The following NOS2 variants were observed in gnomAD, a reference collection of about 807,000 sequenced individuals.
NOS2 encodes the protein nitric oxide synthase, inducible.
A neutral mutation model predicts 136.0 loss-of-function variants in NOS2; 96 were observed. The observed-to-expected ratio is 0.71, with a 90% CI of 0.60 to 0.84. The LOEUF is 0.84. NOS2 is among the 40% of genes least tolerant of loss of function. The probability of loss-of-function intolerance (pLI) is 0.00; values close to 1 mark genes in which losing one functional copy is unlikely to be tolerated. For missense variants in NOS2, 1,237 were observed against 1,496.9 expected (o/e 0.83, Z 2.87); for synonymous variants, 539 against 587.5 (o/e 0.92, Z 1.20).
intron 17 of NOS2, among the ~76,000 whole-genome samples, chr17:27,768,659 A>C (rs1814299788): frequency 6.6e-6 from 1 of 152,234 alleles, no homozygotes; most frequent in African/African-American, 2.4e-5. Context: ...TGAGACTGAA[A>C]CAGACACAGT....
intron 2 of NOS2, among the ~76,000 whole-genome samples, chr17:27,795,458 C>G (rs112174576): frequency 4.6e-4 from 70 of 152,300 alleles, no homozygotes; most frequent in African/African-American, 1.3e-3. Flanking sequence ...TAATAAGTGG[C>G]TCAAACAATT....
At chr17:27,775,985 A>G (rs1196927445) in intron 11 of NOS2, among the ~76,000 whole-genome samples, 2 of 152,244 alleles carry the variant, frequency 1.3e-5, no homozygotes, top group South Asian at 4.1e-4. Context: ...TGGGGAAGCC[A>G]AGGAAAATCA....
chr17:27,762,119 C>G (rs1406382614), intron 22 of NOS2, among the ~76,000 whole-genome samples: 1 of 152,078 alleles, frequency 6.6e-6, no homozygotes, highest in Non-Finnish European at 1.5e-5. Flanking sequence ...GAGATGTTGG[C>G]CTCCCGCTCT....
intron 11 of NOS2, among the ~76,000 whole-genome samples, chr17:27,777,991 T>C (rs1908711882): frequency 6.6e-6 from 1 of 150,650 alleles, no homozygotes; most frequent in South Asian, 2.1e-4. Context: ...GCAGTGATCA[T>C]GCCACTGCAT....
At chr17:27,759,159 G>A (rs2151324076) in intron 25 of NOS2, 84 bp from the exon 26 acceptor site, 2 of 996,290 alleles carry the variant, frequency 2.0e-6, no homozygotes, top group Non-Finnish European at 2.9e-6. Context: ...CAAGGAGGCG[G>A]GGAGAGGGGC....
At chr17:27,766,419 T>C in intron 19 of NOS2, 91 bp downstream of exon 19, 6 of 1,176,838 alleles carry the variant, frequency 5.1e-6, no homozygotes, top group Non-Finnish European at 7.6e-6. Flanking sequence ...GCTCTTCTCC[T>C]CTCCCTTCAA....
At position 27,769,549 on chromosome 17, in the gene NOS2, G is replaced by T; in HGVS notation, c.1845C>A (p.Leu615=). Residue 615 remains leucine, a synonymous_variant, in exon 16 of 27, where the codon CTC becomes CTA. Transcript: ENST00000313735. ...LKKSLFMLKE[L]NNKFRYAVFG... ...AAAAGCTTTACCTGAATTTGTTGTTGAGCTCTTTCAGCATGAAGAGCGATT... is the reference window on the plus strand; with the variant it reads ...AAAAGCTTTACCTGAATTTGTTGTTTAGCTCTTTCAGCATGAAGAGCGATT... The T allele has an allele frequency of 6.2e-7, 1 of 1,613,588 alleles. No individual in the cohort carries two copies. Among genetic ancestry groups the T allele is most frequent in the Non-Finnish European group, 8.5e-7 (1 of 1,179,548 alleles).
In NOS2 at chr17:27,791,769, G is replaced by GAAAAA. The variant is rs869055216; in HGVS notation, c.111-2086_111-2082dup. On this transcript the variant is annotated intron_variant, in intron 2 of 26. Coordinates refer to ENST00000313735, the MANE Select transcript of NOS2 (RefSeq NM_000625.4). Reference sequence around the variant, plus strand: ...TGGTCTAGACTGGTGTGGCCTGCCAGAAAAAAACAAAACAAAACAAAACAA... The same window carrying GAAAAA: ...TGGTCTAGACTGGTGTGGCCTGCCAGAAAAAAAAAAAACAAAACAAAACAAAACAA... 3.0e-3 allele frequency among the ~76,000 whole-genome samples: 331 copies of GAAAAA among 110,966 alleles called. 12 individuals are homozygous for GAAAAA. The highest frequency in any genetic ancestry group is 3.9e-3 in the Non-Finnish European group (204 of 52,950). The allele number at this position is 110,966 out of a possible 152,430, so 72.8% of individuals were successfully genotyped here.
chr17:27,781,826 G>C (rs550571058), intron 7 of NOS2, among the ~76,000 whole-genome samples, 189 bp downstream of exon 7: 1 of 152,324 alleles, frequency 6.6e-6, no homozygotes, highest in South Asian at 2.1e-4. Flanking sequence ...TTGCCGATGG[G>C]AGCTGAGCTC....
intron 22 of NOS2, among the ~76,000 whole-genome samples, chr17:27,761,906 C>T (rs1908142716): frequency 6.6e-6 from 1 of 152,202 alleles, no homozygotes; most frequent in African/African-American, 2.4e-5. Flanking sequence ...ACACGTCTGC[C>T]TCTCCTCTCC....
chr17:27,791,786 ACAAAAC>A (rs1567643085), intron 2 of NOS2, among the ~76,000 whole-genome samples: 12 of 150,128 alleles, frequency 8.0e-5, no homozygotes, highest in African/African-American at 3.0e-4. Flanking sequence ...ACAAAACAAA[ACAAAAC>A]AAAACAAAAC....
At position 27,765,726 on chromosome 17, in the gene NOS2, G is replaced by A. The variant is rs773746505; in HGVS notation, c.2247-10C>T. 1 of 1,592,426 alleles carries A rather than the reference G, an allele frequency of 6.3e-7. No homozygotes were observed. Among genetic ancestry groups the A allele is most frequent in the Non-Finnish European group, 8.6e-7 (1 of 1,169,560 alleles). ...CAGGATGGTGGCACGGCTGGGGAAG[G>A]AAAATGAAGCCTCAGGTGACATTGC... On this transcript the variant is annotated splice_polypyrimidine_tract_variant and intron_variant, in intron 19 of 26. Transcript: ENST00000313735.
At chr17:27,761,414 C>A (rs1047663548) in intron 22 of NOS2, among the ~76,000 whole-genome samples, 183 bp from the exon 23 acceptor site, 9 of 152,200 alleles carry the variant, frequency 5.9e-5, no homozygotes, top group African/African-American at 2.2e-4. Flanking sequence ...AGCTGAGGAA[C>A]GTTGAAAGGG....
intron 11 of NOS2, among the ~76,000 whole-genome samples, chr17:27,775,241 C>G (rs531250070): frequency 6.6e-6 from 1 of 152,312 alleles, no homozygotes; most frequent in East Asian, 1.9e-4. Context: ...GGGAGGACTG[C>G]TTGAGCCCAG....
At chr17:27,769,411 AC>A in intron 16 of NOS2, 123 bp downstream of exon 16, 1 of 863,070 alleles carries the variant, frequency 1.2e-6, no homozygotes, top group Non-Finnish European at 1.9e-6. Context: ...CAGACCTTAG[AC>A]CCAGGTCTCT....
At chr17:27,794,666 C>T (rs1204132528) in intron 2 of NOS2, among the ~76,000 whole-genome samples, 1 of 152,048 alleles carries the variant, frequency 6.6e-6, no homozygotes, top group East Asian at 1.9e-4. Flanking sequence ...TAGATGCTCC[C>T]ACATTTGCCT....
At chr17:27,771,271 A>C (rs1222552744) in intron 14 of NOS2, among the ~76,000 whole-genome samples, 1 of 152,184 alleles carries the variant, frequency 6.6e-6, no homozygotes, top group Non-Finnish European at 1.5e-5. Context: ...TCTGTCCCAA[A>C]AATACTGCCT....
At position 27,765,676 on chromosome 17, in the gene NOS2, G is replaced by C. The variant is rs1357632376; in HGVS notation, c.2287C>G (p.Gln763Glu). The C allele has an allele frequency of 3.1e-6, 5 of 1,613,078 alleles. No homozygotes were observed. The highest frequency in any genetic ancestry group is 1.3e-5 in the African/African-American group (1 of 74,948). Residue 763 changes from glutamine to glutamate, a missense_variant, in exon 20 of 27, where the codon CAA becomes GAA. By Grantham distance (29) the Gln-to-Glu change is conservative. This residue lies in a region of NOS2 where 782 missense variants were observed against 909.9 expected (regional missense o/e 0.86). Coordinates refer to ENST00000313735, the MANE Select transcript of NOS2 (RefSeq NM_000625.4). Reference sequence around the variant, plus strand: ...TCCCCCGGCAGGTAGTTCAGGCCTTGGCCATCCTCACAGGAGAGTTCCACC... The same window carrying C: ...TCCCCCGGCAGGTAGTTCAGGCCTTCGCCATCCTCACAGGAGAGTTCCACC... ...ILVELSCEDG[Q>E]GLNYLPGEHL...
intron 5 of NOS2, 140 bp downstream of exon 5, chr17:27,787,538 T>C (rs1909055140): frequency 1.4e-6 from 1 of 699,198 alleles, no homozygotes. Context: ...ACCGTGATTT[T>C]CGCTCTGCAA....
Sources: gnomAD v4.1 joint callset for allele counts (sites outside exome capture counted in the v4.1 genomes callset) on GRCh38, gnomAD v4.1.1 for gene constraint, gnomAD v4.1.1 regional missense constraint, MANE v1.5 for transcripts, NCBI Gene and HGNC (gene_info 2026-07-23, HGNC 2026-07-21) for gene names.